The following ANXA5 variants were observed in gnomAD, a reference collection of about 807,000 sequenced individuals.
ANXA5 encodes annexin A5.
A neutral mutation model predicts 48.1 loss-of-function variants in ANXA5; 40 were observed. The observed-to-expected ratio is 0.83, with a 90% CI of 0.65 to 1.08. The LOEUF (loss-of-function observed/expected upper bound fraction) is 1.08, where lower values mean the gene tolerates loss of function less well. Among genes scored for constraint, ANXA5 ranks in the 50% least tolerant of loss-of-function variants. The probability of loss-of-function intolerance (pLI) is 0.00; values close to 1 mark genes in which losing one functional copy is unlikely to be tolerated. For missense variants in ANXA5, 357 were observed against 376.8 expected (o/e 0.95, Z 0.44); for synonymous variants, 113 against 129.1 (o/e 0.88, Z 0.85).
chr4:121,693,346 A>G (rs1725019581), intron 2 of ANXA5, among the ~76,000 whole-genome samples: 1 of 152,204 alleles, frequency 6.6e-6, no homozygotes. Context: ...TAAACTAACT[A>G]AACTGAAAGA....
intron 8 of ANXA5, among the ~76,000 whole-genome samples, chr4:121,673,884 G>A (rs1724652118): frequency 6.6e-6 from 1 of 151,854 alleles, no homozygotes; most frequent in Non-Finnish European, 1.5e-5. Flanking sequence ...ACAAAAATAA[G>A]AAAATAGAAG....
chr4:121,684,564 AGTCGGAATCACAAAATAAATGAT>A (rs1308465645), intron 4 of ANXA5, 90 bp downstream of exon 4: 219 of 850,882 alleles, frequency 2.6e-4, no homozygotes, highest in Admixed American at 4.6e-4. Flanking sequence ...GAAGTAGGGA[AGTCGGAATCACAAAATAAATGAT>A]GCTTACAAAA....
At position 121,667,982 on chromosome 4, in the gene ANXA5, C is replaced by T. The variant is rs1724547919; in HGVS notation, c.*486G>A. The T allele has an allele frequency of 6.6e-6, 1 of 152,636 alleles. No homozygotes were observed. Among genetic ancestry groups the T allele is most frequent in the Non-Finnish European group, 1.5e-5 (1 of 68,398 alleles). 9.5% of individuals were successfully genotyped at this position (152,636 alleles called of 1,614,324 possible). A position where few individuals can be genotyped will look rare whatever the true frequency, so the allele number is the denominator to read the frequency against. Reference sequence around the variant, plus strand: ...ATAAATTTAATAATAAATCTAAACACACATGTACACATAATTCAGGGGGAC... The same window carrying T: ...ATAAATTTAATAATAAATCTAAACATACATGTACACATAATTCAGGGGGAC... On this transcript the variant is annotated 3_prime_UTR_variant, in exon 13 of 13. Transcript: ENST00000296511.
intron 1 of ANXA5, 111 bp downstream of exon 1, chr4:121,696,752 C>T (rs1426480795): frequency 1.1e-5 from 5 of 473,596 alleles, no homozygotes; most frequent in Non-Finnish European, 3.5e-6. Context: ...CCGACCCGCC[C>T]TCTCGCAGCT....
At chr4:121,690,140 G>C (rs1724957374) in intron 2 of ANXA5, among the ~76,000 whole-genome samples, 4 of 152,200 alleles carry the variant, frequency 2.6e-5, no homozygotes, top group Admixed American at 2.6e-4. Flanking sequence ...GCTTCACATA[G>C]ATCATCTCAG....
chr4:121,674,987 G>A (rs1447889692), intron 8 of ANXA5, among the ~76,000 whole-genome samples: 4 of 152,080 alleles, frequency 2.6e-5, no homozygotes, highest in African/African-American at 7.2e-5. Flanking sequence ...AGTCATTAAC[G>A]GAGATTATAT....
Position 121,672,533 on chromosome 4 carries a change from C to T in ANXA5, c.625G>A (p.Val209Met), listed in dbSNP as rs146935113. 4.2e-5 allele frequency: 67 copies of T among 1,612,124 alleles called. No individual in the cohort carries two copies. The highest frequency in any genetic ancestry group is 5.1e-5 in the Non-Finnish European group (60 of 1,178,776). The change falls in exon 9 of 13, where the codon GTG becomes ATG. Residue 209 changes from valine to methionine, a missense_variant and splice_region_variant. Val to Met is a conservative substitution (Grantham distance 21). Coordinates refer to ENST00000296511, the MANE Select transcript of ANXA5 (RefSeq NM_001154.4). ...GTRSVSHLRKVFDKYMTISGF... is the reference protein window; with the variant it reads ...GTRSVSHLRKMFDKYMTISGF... ...CCCCATACAGATTTTTTTCACTCAC[C>T]CTTTCTCAAATGAGACACACTTCGT...
intron 3 of ANXA5, among the ~76,000 whole-genome samples, chr4:121,686,045 A>G (rs1335762361): frequency 6.3e-5 from 2 of 31,738 alleles, no homozygotes; most frequent in African/African-American, 1.5e-4. Context: ...TTTTTTTTTT[A>G]GCTCATCAGC....
intron 9 of ANXA5, 144 bp from the exon 10 acceptor site, chr4:121,671,786 T>C (rs72911843): frequency 2.1e-4 from 131 of 632,818 alleles, no homozygotes; most frequent in African/African-American, 1.9e-3. Context: ...AAAGCCTCAA[T>C]GTGCCAAGCC....
chr4:121,677,999 C>A, intron 7 of ANXA5, 49 bp from the exon 8 acceptor site: 1 of 1,483,452 alleles, frequency 6.7e-7, no homozygotes, highest in Admixed American at 1.8e-5. Flanking sequence ...CATTCTCATT[C>A]AAAAGGAAAA....
At chr4:121,674,321 T>G (rs4833756) in intron 8 of ANXA5, among the ~76,000 whole-genome samples, 131,779 of 143,996 alleles carry the variant, frequency 0.92, 60,847 homozygotes, top group Non-Finnish European at 0.97. Flanking sequence ...GAAGGAAAGG[T>G]GAAGGAAAGA....
chr4:121,686,316 T>C lies in ANXA5; in HGVS notation c.66A>G (p.Glu22=). The part of the protein sequence containing the change: ...FPGFDERADA[E]TLRKAMKGLG... ...AGCCTTTCATAGCCTTCCGAAGAGTTTCTGCATCAGCCCGCTCATCAAATC... is the reference window on the plus strand; with the variant it reads ...AGCCTTTCATAGCCTTCCGAAGAGTCTCTGCATCAGCCCGCTCATCAAATC... Residue 22 remains glutamate (E), a synonymous_variant, in exon 3 of 13, where the codon GAA becomes GAG. Transcript: ENST00000296511. The C allele has an allele frequency of 6.2e-7, 1 of 1,614,124 alleles. No individual in the cohort carries two copies. Among genetic ancestry groups the C allele is most frequent in the Non-Finnish European group, 8.5e-7 (1 of 1,179,998 alleles).
At chr4:121,676,431 G>C (rs574112277) in intron 8 of ANXA5, among the ~76,000 whole-genome samples, 1 of 152,128 alleles carries the variant, frequency 6.6e-6, no homozygotes, top group Non-Finnish European at 1.5e-5. Flanking sequence ...GACAGGCCTC[G>C]TTAGGAATTC....
intron 12 of ANXA5, 139 bp downstream of exon 12, chr4:121,669,463 C>G: frequency 9.4e-7 from 1 of 1,059,156 alleles, no homozygotes; most frequent in South Asian, 1.6e-5. Context: ...TTATGCTAAG[C>G]TTTTTAACTC....
At chr4:121,687,141 A>G (rs553483488) in intron 2 of ANXA5, among the ~76,000 whole-genome samples, 11 of 151,938 alleles carry the variant, frequency 7.2e-5, no homozygotes, top group South Asian at 2.1e-4. Context: ...CCCCATCTCT[A>G]CTAAAAAAAT....
At chr4:121,681,973 G>GA (rs201402671) in intron 5 of ANXA5, among the ~76,000 whole-genome samples, 2,793 of 152,082 alleles carry the variant, frequency 0.018, 93 homozygotes, top group African/African-American at 0.064. Context: ...TTGCCTAATG[G>GA]AAAACAATGT....
Position 121,686,345 on chromosome 4 carries a change from G to A in ANXA5, c.37C>T (p.Pro13Ser). ...QVLRGTVTDF[P>S]GFDERADAET... is the part of the protein sequence containing the mutation. The stretch of plus-strand genomic sequence containing the variant: ...GCATCAGCCCGCTCATCAAATCCAG[G>A]GAAGTCAGTCACAGTGCCTCTGAGA... The change falls in exon 3 of 13, where the codon CCT (proline) becomes TCT (serine). Residue 13 changes from proline (P) to serine (S), a missense_variant. Coordinates refer to ENST00000296511, the MANE Select transcript of ANXA5 (RefSeq NM_001154.4). The A allele has an allele frequency of 1.9e-6, 3 of 1,614,008 alleles. No homozygotes were observed. The South Asian group carries it at 3.3e-5, about 18-fold the overall frequency.
intron 2 of ANXA5, among the ~76,000 whole-genome samples, chr4:121,693,856 G>A (rs1204596305): frequency 6.6e-6 from 1 of 151,838 alleles, no homozygotes; most frequent in African/African-American, 2.4e-5. Context: ...GGCATGAAAA[G>A]ATGCAATCAA....
At chr4:121,687,654 G>C (rs1157932183) in intron 2 of ANXA5, among the ~76,000 whole-genome samples, 3 of 152,200 alleles carry the variant, frequency 2.0e-5, no homozygotes, top group Non-Finnish European at 4.4e-5. Context: ...GATGACAACA[G>C]AGAGAGATAG....
Sources: gnomAD v4.1 joint callset for allele counts (sites outside exome capture counted in the v4.1 genomes callset) on GRCh38, gnomAD v4.1.1 for gene constraint, MANE v1.5 for transcripts, NCBI Gene and HGNC (gene_info 2026-07-23, HGNC 2026-07-21) for gene names.